ZNF763: variants seen among roughly 807,000 people sequenced by gnomAD.
The protein encoded by ZNF763 is DNA-binding protein.
In ZNF763, 33 loss-of-function variants were observed where a neutral mutation model predicts 38.0. The ratio of observed to expected loss-of-function variants is 0.87; its 90% CI spans 0.66 to 1.16. ZNF763 has a LOEUF of 1.16. ZNF763 is among the 50% of genes most tolerant of loss of function. The pLI is 0.00. For missense variants in ZNF763, 423 were observed against 469.1 expected, an observed-to-expected ratio of 0.90 and a Z score of 0.91; for synonymous variants, 155 against 160.1, an observed-to-expected ratio of 0.97 and a Z score of 0.24.
intron 1 of ZNF763, among the ~76,000 whole-genome samples, chr19:11,975,370 G>A (rs1973464187): frequency 1.3e-5 from 2 of 151,564 alleles, no homozygotes; most frequent in African/African-American, 2.4e-5. Context: ...CACTGCACCC[G>A]GCCAAGATGT....
At chr19:11,965,236 C>G in intron 1 of ZNF763, 25 bp downstream of exon 1, 1 of 1,613,864 alleles carries the variant, frequency 6.2e-7, no homozygotes, top group Non-Finnish European at 8.5e-7. Context: ...CCGGTTGTCC[C>G]GAGACGGGGT....
chr19:11,978,721 A>G lies in ZNF763; in HGVS notation c.797A>G (p.His266Arg), dbSNP rs1012292350. The change falls in exon 4 of 4, where the codon CAT becomes CGT. Residue 266 changes from histidine (H) to arginine (R), a missense_variant. Transcript: ENST00000358987. ...TGTCAGCAATGTGGGAAAGCATTCCATAGTTCCAGTTCTTTTCAAGCACAT... is the reference window on the plus strand; with the variant it reads ...TGTCAGCAATGTGGGAAAGCATTCCGTAGTTCCAGTTCTTTTCAAGCACAT... ...YECQQCGKAF[H>R]SSSSFQAHKR... The G allele has an allele frequency of 1.9e-6, 3 of 1,613,786 alleles. No homozygotes were observed. The African/African-American group carries it at 4.0e-5, about 22-fold the overall frequency.
At chr19:11,965,360 C>T (rs1045176925) in intron 1 of ZNF763, 149 bp downstream of exon 1, 1 of 1,115,814 alleles carries the variant, frequency 9.0e-7, no homozygotes, top group South Asian at 1.4e-5. Context: ...TCGGTCCCCT[C>T]GGCCGCTGGA....
At chr19:11,974,869 C>T (rs984273428) in intron 1 of ZNF763, among the ~76,000 whole-genome samples, 1 of 152,162 alleles carries the variant, frequency 6.6e-6, no homozygotes. Context: ...TTGCAAGGTG[C>T]TGGGATTACA....
At position 11,978,983 on chromosome 19, in the gene ZNF763, T is replaced by A; in HGVS notation, c.1059T>A (p.Ser353Arg). 1 of 1,614,178 alleles carries A rather than the reference T, an allele frequency of 6.2e-7. No individual in the cohort carries two copies. The highest frequency in any genetic ancestry group is 8.5e-7 in the Non-Finnish European group (1 of 1,180,030). ...GTAGAAAAGCATTCACGTATCCCAGTTCCCTTCGTAGACATGAAAGGACCC... is the reference window on the plus strand; with the variant it reads ...GTAGAAAAGCATTCACGTATCCCAGATCCCTTCGTAGACATGAAAGGACCC... ...KECRKAFTYP[S>R]SLRRHERTHS... The change falls in exon 4 of 4, where the codon AGT (serine) becomes AGA (arginine). Residue 353 changes from serine to arginine, a missense_variant. Coordinates refer to ENST00000358987, the MANE Select transcript of ZNF763 (RefSeq NM_001367172.2).
At chr19:11,967,861 G>A (rs913587540) in intron 1 of ZNF763, among the ~76,000 whole-genome samples, 1 of 152,210 alleles carries the variant, frequency 6.6e-6, no homozygotes, top group African/African-American at 2.4e-5. Context: ...GTGCCTACGT[G>A]CATGTGGGCT....
intron 1 of ZNF763, 110 bp downstream of exon 1, chr19:11,965,321 G>A (rs1973202513): frequency 5.4e-6 from 8 of 1,480,010 alleles, no homozygotes; most frequent in Middle Eastern, 2.1e-4. Flanking sequence ...CAGGGTCTGG[G>A]ACCGAGTCCT....
intron 1 of ZNF763, among the ~76,000 whole-genome samples, chr19:11,973,374 C>T (rs1426076415): frequency 6.6e-6 from 1 of 152,112 alleles, no homozygotes; most frequent in African/African-American, 2.4e-5. Flanking sequence ...TGCTTGACGA[C>T]TCATTTATTT....
chr19:11,979,963 C>G lies in ZNF763; in HGVS notation c.*854C>G. On this transcript the variant is annotated 3_prime_UTR_variant, in exon 4 of 4. Transcript: ENST00000358987. ...CATTTCAAATACCTGAAAAATCTTACACTGGAGAGAAACCCTATGAGTGTA... is the reference window on the plus strand; with the variant it reads ...CATTTCAAATACCTGAAAAATCTTAGACTGGAGAGAAACCCTATGAGTGTA... 1.6e-6 allele frequency: 2 copies of G among 1,234,630 alleles called. No individual in the cohort carries two copies. The highest frequency in any genetic ancestry group is 2.4e-6 in the Non-Finnish European group (2 of 848,032). The allele number at this position is 1,234,630 out of a possible 1,614,324, so 76.5% of individuals were successfully genotyped here.
chr19:11,969,564 A>G (rs146221315), intron 1 of ZNF763, among the ~76,000 whole-genome samples: 596 of 152,324 alleles, frequency 3.9e-3, no homozygotes, highest in Middle Eastern at 0.024. Flanking sequence ...ATCCTTAGGT[A>G]GGACCTTAGG....
At position 11,976,832 on chromosome 19, in the gene ZNF763, C is replaced by A. The variant is rs1288399051; in HGVS notation, c.4-206C>A. The A allele has an allele frequency of 3.6e-6, 5 of 1,393,436 alleles. No individual in the cohort carries two copies. The East Asian group carries it at 1.3e-4, about 37-fold the overall frequency. The allele number at this position is 1,393,436 out of a possible 1,614,324, so 86.3% of individuals were successfully genotyped here. On this transcript the variant is annotated intron_variant, in intron 1 of 3. Coordinates refer to ENST00000358987, the MANE Select transcript of ZNF763 (RefSeq NM_001367172.2). ...TCGCATCATTATACTCCAGCCTGGG[C>A]AACAAGTTGTTGTTTTGAAAATCCA...
chr19:11,969,868 G>T (rs1402629412), intron 1 of ZNF763, among the ~76,000 whole-genome samples: 1 of 152,158 alleles, frequency 6.6e-6, no homozygotes, highest in Non-Finnish European at 1.5e-5. Flanking sequence ...TTGGGATGAG[G>T]TTCCTTTCTG....
In ZNF763 at chr19:11,978,450, GA is replaced by G; in HGVS notation, c.528del (p.Glu176AspfsTer17). 6.2e-7 allele frequency: 1 copy of G among 1,614,128 alleles called. No individual in the cohort carries two copies. Among genetic ancestry groups the G allele is most frequent in the Non-Finnish European group, 8.5e-7 (1 of 1,180,002 alleles). On this transcript the variant is annotated frameshift_variant, in exon 4 of 4. Coordinates refer to ENST00000358987, the MANE Select transcript of ZNF763 (RefSeq NM_001367172.2). LOFTEE classifies it high-confidence loss of function. ...CGGAGAGAAACCCTATGCTTGTAAA[GA>G]ATGTGGAAAAACCTTTATTTCCCAT... ...HTGEKPYACK[E>X]CGKTFISHSG...
At position 11,977,140 on chromosome 19, in the gene ZNF763, A is replaced by G. The variant is rs549909286; in HGVS notation, c.106A>G (p.Thr36Ala). The G allele has an allele frequency of 3.0e-5, 48 of 1,614,102 alleles. No homozygotes were observed. The Admixed American group carries it at 7.5e-4, about 25-fold the overall frequency. The change falls in exon 2 of 4, where the codon ACT becomes GCT. Residue 36 changes from threonine to alanine, a missense_variant. By Grantham distance (58) the Thr-to-Ala change is moderately conservative. Coordinates refer to ENST00000358987, the MANE Select transcript of ZNF763 (RefSeq NM_001367172.2). The part of the protein sequence containing the change: ...RKLYREVMLE[T>A]FRNLTSIGKK... ...ACTCTACAGGGAAGTGATGCTGGAA[A>G]CTTTCAGGAACCTGACCTCTATAGG...
chr19:11,965,760 A>G (rs1345831206), intron 1 of ZNF763, among the ~76,000 whole-genome samples: 4 of 152,342 alleles, frequency 2.6e-5, no homozygotes, highest in African/African-American at 9.6e-5. Flanking sequence ...AGACCTTGGC[A>G]AGGGAAACAC....
chr19:11,975,011 C>T (rs551005115), intron 1 of ZNF763, among the ~76,000 whole-genome samples: 1 of 152,196 alleles, frequency 6.6e-6, no homozygotes, highest in Non-Finnish European at 1.5e-5. Flanking sequence ...TACATAAGTT[C>T]TCTAAGATGA....
intron 2 of ZNF763, 72 bp from the exon 3 acceptor site, chr19:11,977,299 A>G: frequency 6.2e-7 from 1 of 1,605,678 alleles, no homozygotes; most frequent in Non-Finnish European, 8.5e-7. Flanking sequence ...AGTAAATCAT[A>G]GACATAGAAT....
Position 11,965,122 on chromosome 19 carries a change from G to A in ZNF763, c.-87G>A. The A allele has an allele frequency of 6.3e-7, 1 of 1,588,682 alleles. No homozygotes were observed. Among genetic ancestry groups the A allele is most frequent in the Non-Finnish European group, 8.6e-7 (1 of 1,157,880 alleles). On this transcript the variant is annotated 5_prime_UTR_variant, in exon 1 of 4. Coordinates refer to ENST00000358987, the MANE Select transcript of ZNF763 (RefSeq NM_001367172.2). ...GAGAGGGACCTGGTACCTCTACCCAGGTTTCTATCGCTCTGTCTCCTGCGC... is the reference window on the plus strand; with the variant it reads ...GAGAGGGACCTGGTACCTCTACCCAAGTTTCTATCGCTCTGTCTCCTGCGC...
rs917271764 is a variant in ZNF763 at position 11,975,290 on chromosome 19, C to T, written c.4-1748C>T. On this transcript the variant is annotated intron_variant, in intron 1 of 3. Coordinates refer to ENST00000358987, the MANE Select transcript of ZNF763 (RefSeq NM_001367172.2). ...TTCTCCATGTTGGTCAGGCTGGTCT[C>T]GAACTCCCAACCTCAGATGATTTCC... Among the ~76,000 whole-genome samples, 8 of 151,848 alleles carry T rather than the reference C, an allele frequency of 5.3e-5. No individual in the cohort carries two copies. In the South Asian group the frequency reaches 1.0e-3, roughly 20 times the overall value.
Sources: allele counts gnomAD v4.1 joint callset (sites outside exome capture counted in the v4.1 genomes callset), GRCh38; gene constraint gnomAD v4.1.1; transcripts MANE v1.5; gene names NCBI Gene and HGNC (gene_info 2026-07-23, HGNC 2026-07-21).